The following CTNND2 variants were observed in gnomAD, a reference collection of about 807,000 sequenced individuals.
The protein encoded by CTNND2 is catenin delta-2.
In CTNND2, 22 loss-of-function variants were observed where a neutral mutation model predicts 144.4. The observed-to-expected ratio is 0.15, with a 90% CI of 0.11 to 0.22. CTNND2 has a LOEUF of 0.22. Among genes scored for constraint, CTNND2 ranks in the 10% least tolerant of loss-of-function variants. The pLI, the probability that CTNND2 is intolerant of heterozygous loss-of-function variation, is 1.00. For missense variants in CTNND2, 1,353 were observed against 1,618.8 expected (o/e 0.84, Z 2.82); for synonymous variants, 751 against 695.6 (o/e 1.08, Z -1.25).
intron 2 of CTNND2, among the ~76,000 whole-genome samples, chr5:11,573,264 A>G (rs756447807): frequency 6.6e-6 from 1 of 152,082 alleles, no homozygotes; most frequent in African/African-American, 2.4e-5. Flanking sequence ...ATAAGTAGAT[A>G]TGATAGTATC....
At chr5:11,043,570 C>G (rs1285005737) in intron 16 of CTNND2, among the ~76,000 whole-genome samples, 1 of 151,862 alleles carries the variant, frequency 6.6e-6, no homozygotes, top group African/African-American at 2.4e-5. Context: ...AAAAAGAGAC[C>G]AAGTAGATAT....
At chr5:11,369,765 T>C (rs73042264) in intron 7 of CTNND2, among the ~76,000 whole-genome samples, 4,432 of 151,068 alleles carry the variant, frequency 0.029, 208 homozygotes, top group African/African-American at 0.099. Flanking sequence ...TGTCAGGAGG[T>C]TGTGGTGTTG....
intron 18 of CTNND2, among the ~76,000 whole-genome samples, chr5:11,009,941 T>G (rs191471365): frequency 2.0e-4 from 31 of 152,360 alleles, no homozygotes; most frequent in Admixed American, 8.5e-4. Context: ...AAAGACCTTC[T>G]TTGTCAATAC....
chr5:11,311,753 ACACT>A (rs1201228766), intron 9 of CTNND2, among the ~76,000 whole-genome samples: 12 of 128,182 alleles, frequency 9.4e-5, no homozygotes, highest in Non-Finnish European at 1.5e-4. Context: ...ATATGCTCAC[ACACT>A]CACTCTCCAT....
At chr5:11,842,313 A>C (rs77573512) in intron 1 of CTNND2, among the ~76,000 whole-genome samples, 5 of 152,352 alleles carry the variant, frequency 3.3e-5, no homozygotes, top group African/African-American at 1.2e-4. Context: ...TGGGCTGAAT[A>C]TAGTAAGACG....
intron 1 of CTNND2, among the ~76,000 whole-genome samples, chr5:11,741,929 T>C (rs1472227265): frequency 6.6e-6 from 1 of 151,736 alleles, no homozygotes; most frequent in African/African-American, 2.4e-5. Context: ...AGCCAATTAT[T>C]CTAAGTGAAG....
rs542127122 is a variant in CTNND2, at chr5:11,241,025, C to A, written c.1629-4202G>T. Among the ~76,000 whole-genome samples the A allele has an allele frequency of 2.7e-5, 4 of 149,680 alleles. No homozygotes were observed. In the South Asian group the frequency reaches 8.6e-4, roughly 32 times the overall value. The stretch of plus-strand genomic sequence containing the variant: ...ACACCAAACACACACACCCAACACA[C>A]ACACCCACCCCAACACACATGCACA... On this transcript the variant is annotated intron_variant, in intron 9 of 21. Transcript: ENST00000304623.
intron 9 of CTNND2, among the ~76,000 whole-genome samples, chr5:11,287,996 C>T (rs1409963891): frequency 2.6e-5 from 4 of 152,072 alleles, no homozygotes; most frequent in African/African-American, 9.7e-5. Context: ...TTATAATTTA[C>T]AATGTGTTTT....
chr5:11,364,663 G>A (rs774916630), intron 8 of CTNND2, 33 bp downstream of exon 8: 6 of 1,565,604 alleles, frequency 3.8e-6, no homozygotes, highest in Non-Finnish European at 4.3e-6. Flanking sequence ...ACCCCCTGTG[G>A]ACAGGCCACC....
intron 1 of CTNND2, among the ~76,000 whole-genome samples, chr5:11,772,734 A>G (rs1790020752): frequency 6.6e-6 from 1 of 152,216 alleles, no homozygotes; most frequent in Non-Finnish European, 1.5e-5. Flanking sequence ...CACAGATACA[A>G]GCAGTTCTTC....
At chr5:11,569,279 C>T (rs1024683226) in intron 2 of CTNND2, among the ~76,000 whole-genome samples, 7 of 152,074 alleles carry the variant, frequency 4.6e-5, no homozygotes, top group Non-Finnish European at 8.8e-5. Flanking sequence ...TAAATCTCCC[C>T]ACTATGTGGA....
At chr5:11,468,090 C>T (rs747981770) in intron 3 of CTNND2, among the ~76,000 whole-genome samples, 7 of 152,152 alleles carry the variant, frequency 4.6e-5, no homozygotes, top group Non-Finnish European at 8.8e-5. Flanking sequence ...CTGTAATCTA[C>T]ATCAAAAACT....
rs142504804 is a variant in CTNND2 at position 11,375,012 on chromosome 5, A to G, written c.1177+9653T>C. On this transcript the variant is annotated intron_variant, in intron 7 of 21. Transcript: ENST00000304623. Reference sequence around the variant, plus strand: ...TTAACAAGCAAGAATAGGATTAAACATGCAGTTGTCTTTGTAAATGGGTTC... The same window carrying G: ...TTAACAAGCAAGAATAGGATTAAACGTGCAGTTGTCTTTGTAAATGGGTTC... Among the ~76,000 whole-genome samples the G allele has an allele frequency of 1.7e-3, 253 of 152,204 alleles. 4 individuals are homozygous for G. The East Asian group carries it at 0.044, about 27-fold the overall frequency.
At chr5:11,576,971 T>A (rs1243808261) in intron 2 of CTNND2, among the ~76,000 whole-genome samples, 1 of 152,188 alleles carries the variant, frequency 6.6e-6, no homozygotes, top group Non-Finnish European at 1.5e-5. Context: ...GAATTTCTGT[T>A]AAATACCCAC....
intron 18 of CTNND2, among the ~76,000 whole-genome samples, chr5:10,994,914 T>C (rs1372026103): frequency 6.6e-6 from 1 of 151,984 alleles, no homozygotes; most frequent in Non-Finnish European, 1.5e-5. Flanking sequence ...GGCATGGCTA[T>C]TGGTGTGGGA....
chr5:11,714,336 T>C (rs1786220564), intron 2 of CTNND2, among the ~76,000 whole-genome samples: 1 of 152,196 alleles, frequency 6.6e-6, no homozygotes, highest in South Asian at 2.1e-4. Context: ...CTCCATATTT[T>C]TCTTAAGATT....
rs1742414295 is a variant in CTNND2 at position 11,022,814 on chromosome 5, C to T, written c.2954G>A (p.Gly985Asp). 1 of 1,614,078 alleles carries T rather than the reference C, an allele frequency of 6.2e-7. No individual in the cohort carries two copies. Among genetic ancestry groups the T allele is most frequent in the African/African-American group, 1.3e-5 (1 of 74,928 alleles). Residue 985 changes from glycine to aspartate, a missense_variant, in exon 17 of 22, where the codon GGT (glycine) becomes GAT (aspartate). Physicochemically the swap from Gly to Asp is moderately conservative, Grantham distance 94. Coordinates refer to ENST00000304623, the MANE Select transcript of CTNND2 (RefSeq NM_001332.4). Reference sequence around the variant, plus strand: ...GATGCCGACCAACTTCTCGATGCCACCGGCATCCCGTAAGGCCTTGGCGTT... The same window carrying T: ...GATGCCGACCAACTTCTCGATGCCATCGGCATCCCGTAAGGCCTTGGCGTT... ...MENAKALRDAGGIEKLVGISK... is the reference protein window; with the variant it reads ...MENAKALRDADGIEKLVGISK...
At chr5:11,369,576 G>A (rs1287845844) in intron 7 of CTNND2, among the ~76,000 whole-genome samples, 1 of 151,196 alleles carries the variant, frequency 6.6e-6, no homozygotes, top group Non-Finnish European at 1.5e-5. Context: ...TTAATCCTAT[G>A]GATCTATATA....
chr5:11,896,616 C>T (rs562349578), intron 1 of CTNND2, among the ~76,000 whole-genome samples: 2 of 152,142 alleles, frequency 1.3e-5, no homozygotes, highest in South Asian at 4.1e-4. Flanking sequence ...GAAAGGCATG[C>T]TTTTCTTCTG....
Sources: allele counts gnomAD v4.1 joint callset (sites outside exome capture counted in the v4.1 genomes callset), GRCh38; gene constraint gnomAD v4.1.1; transcripts MANE v1.5; gene names NCBI Gene and HGNC (gene_info 2026-07-23, HGNC 2026-07-21).